Variants in C8orf34 observed in about 807,000 individuals in gnomAD.
C8orf34 encodes uncharacterized protein C8orf34.
A neutral mutation model predicts 68.3 loss-of-function variants in C8orf34; 65 were observed. The ratio of observed to expected loss-of-function variants is 0.95; its 90% confidence interval spans 0.78 to 1.17. The LOEUF (loss-of-function observed/expected upper bound fraction) is 1.17. Ranked by LOEUF, C8orf34 falls within the 50% of genes most tolerant of loss-of-function variation. C8orf34 has a pLI of 0.00. For synonymous variants in C8orf34, 244 were observed against 241.2 expected, an observed-to-expected ratio of 1.01 and a Z score of -0.11; for missense variants, 664 against 655.4, an observed-to-expected ratio of 1.01 and a Z score of -0.14.
intron 12 of C8orf34, among the ~76,000 whole-genome samples, chr8:68,798,171 T>C (rs1824232785): frequency 6.6e-6 from 1 of 151,016 alleles, no homozygotes; most frequent in African/African-American, 2.5e-5. Flanking sequence ...AGCTTTTAAA[T>C]AGAGACAAGG....
chr8:68,479,195 C>T (rs1006562188), intron 4 of C8orf34, among the ~76,000 whole-genome samples: 3 of 151,704 alleles, frequency 2.0e-5, no homozygotes, highest in Non-Finnish European at 2.9e-5. Flanking sequence ...GAAGCAGAAG[C>T]TGGTATGCAG....
chr8:68,723,782 T>G (rs1313462972), intron 10 of C8orf34, among the ~76,000 whole-genome samples: 1 of 152,158 alleles, frequency 6.6e-6, no homozygotes, highest in African/African-American at 2.4e-5. Flanking sequence ...TTTGGCTTCC[T>G]TAATAATACA....
At chr8:68,816,429 A>C (rs1377257853) in intron 13 of C8orf34, among the ~76,000 whole-genome samples, 1 of 152,032 alleles carries the variant, frequency 6.6e-6, no homozygotes, top group Non-Finnish European at 1.5e-5. Context: ...AAAATAAAAC[A>C]CTTTGTCATC....
chr8:68,556,269 G>A (rs1371526753), intron 7 of C8orf34, among the ~76,000 whole-genome samples: 1 of 148,814 alleles, frequency 6.7e-6, no homozygotes, highest in Admixed American at 6.7e-5. Context: ...TAAATTTGGG[G>A]AGCAGTATTA....
chr8:68,366,595 A>T (rs1018557087), intron 1 of C8orf34, among the ~76,000 whole-genome samples: 2 of 151,584 alleles, frequency 1.3e-5, no homozygotes, highest in Admixed American at 1.3e-4. Context: ...ATAACACCGC[A>T]TACCTACAAC....
At chr8:68,740,263 TTAAAG>T (rs1822243510) in intron 10 of C8orf34, among the ~76,000 whole-genome samples, 1 of 152,128 alleles carries the variant, frequency 6.6e-6, no homozygotes, top group Non-Finnish European at 1.5e-5. Context: ...TGGGATCTAA[TTAAAG>T]TAAAGAGCTT....
At chr8:68,473,884 C>T (rs1286262683) in intron 4 of C8orf34, among the ~76,000 whole-genome samples, 1 of 152,040 alleles carries the variant, frequency 6.6e-6, no homozygotes, top group African/African-American at 2.4e-5. Context: ...TAGTTGTAAC[C>T]CTGTTGATTA....
At chr8:68,592,593 C>CTTTTTTTTTTTTTTTTTTTTTTTTTTTT (rs1444802100) in intron 7 of C8orf34, among the ~76,000 whole-genome samples, 2 of 116,802 alleles carry the variant, frequency 1.7e-5, no homozygotes, top group African/African-American at 3.3e-5. Context: ...CAATTTATCT[C>CTTTTTTTTTTTTTTTTTTTTTTTTTTTT]TTCTTTTTTT....
At chr8:68,467,017 A>G (rs1002726777) in intron 3 of C8orf34, among the ~76,000 whole-genome samples, 1 of 151,932 alleles carries the variant, frequency 6.6e-6, no homozygotes, top group East Asian at 1.9e-4. Flanking sequence ...ATTTCTACCC[A>G]ACTCGGCTCC....
In C8orf34 at chr8:68,641,678, A is replaced by G. The variant is rs891728753; in HGVS notation, c.1241+1167A>G. On this transcript the variant is annotated intron_variant, in intron 8 of 13. Coordinates refer to ENST00000518698, the MANE Select transcript of C8orf34 (RefSeq NM_052958.4). ...CTGGAGAGGGGTCGATGCTTGGTTC[A>G]TGTCATTTGTAGAAGACTGGGATAT... is the stretch of plus-strand genomic sequence containing the variant. Among the ~76,000 whole-genome samples the G allele has an allele frequency of 1.3e-5, 2 of 152,308 alleles. 1 individual carries two copies. The highest frequency in any genetic ancestry group is 4.1e-4 in the South Asian group (2 of 4,828).
intron 12 of C8orf34, among the ~76,000 whole-genome samples, chr8:68,788,735 T>C (rs1823911030): frequency 6.6e-6 from 1 of 152,098 alleles, no homozygotes; most frequent in African/African-American, 2.4e-5. Context: ...GGTGCTCACC[T>C]GTAGTCCCAG....
chr8:68,763,638 G>A (rs7822136), intron 10 of C8orf34, among the ~76,000 whole-genome samples: 1 of 151,878 alleles, frequency 6.6e-6, no homozygotes, highest in African/African-American at 2.4e-5. Context: ...GAATATCCCC[G>A]ATCCCGTCAT....
At chr8:68,667,960 G>T (rs943739833) in intron 8 of C8orf34, among the ~76,000 whole-genome samples, 1 of 151,964 alleles carries the variant, frequency 6.6e-6, no homozygotes, top group Non-Finnish European at 1.5e-5. Context: ...AATCAGAGGA[G>T]AAAATAAAAT....
At chr8:68,478,069 T>TATTA (rs1221216268) in intron 4 of C8orf34, among the ~76,000 whole-genome samples, 1 of 152,236 alleles carries the variant, frequency 6.6e-6, no homozygotes, top group African/African-American at 2.4e-5. Context: ...AGCATTCAGC[T>TATTA]CCTTGTTACT....
At chr8:68,709,154 T>TAAACC in intron 9 of C8orf34, 75 bp downstream of exon 9, 1 of 1,099,658 alleles carries the variant, frequency 9.1e-7, no homozygotes, top group South Asian at 1.4e-5. Flanking sequence ...GGAAAAAAAC[T>TAAACC]AAACCAAACA....
chr8:68,674,849 C>G (rs948542986), intron 8 of C8orf34, among the ~76,000 whole-genome samples: 2 of 149,166 alleles, frequency 1.3e-5, no homozygotes, highest in African/African-American at 5.0e-5. Flanking sequence ...ATTTAATAGT[C>G]AAACTCCCAA....
At chr8:68,512,736 T>C (rs1431256983) in intron 5 of C8orf34, among the ~76,000 whole-genome samples, 1 of 151,010 alleles carries the variant, frequency 6.6e-6, no homozygotes, top group Non-Finnish European at 1.5e-5. Context: ...AGCAGTCCTT[T>C]AACCCTAGGC....
chr8:68,593,900 T>G (rs1025539572), intron 7 of C8orf34, among the ~76,000 whole-genome samples: 3 of 152,144 alleles, frequency 2.0e-5, no homozygotes, highest in Non-Finnish European at 4.4e-5. Context: ...AGTGCTGATT[T>G]AGTTGTGTCC....
intron 7 of C8orf34, among the ~76,000 whole-genome samples, chr8:68,598,813 A>C (rs1817618713): frequency 1.3e-5 from 2 of 152,136 alleles, no homozygotes; most frequent in Admixed American, 1.3e-4. Flanking sequence ...AGAAAAATGA[A>C]AATGTTGTAG....
Sources: allele counts gnomAD v4.1 joint callset (sites outside exome capture counted in the v4.1 genomes callset), GRCh38; gene constraint gnomAD v4.1.1; transcripts MANE v1.5; gene names NCBI Gene and HGNC (gene_info 2026-07-23, HGNC 2026-07-21).